The following CAMKMT variants were observed in gnomAD, a reference collection of about 807,000 sequenced individuals.
CAMKMT encodes the protein CaM KMT.
Under a neutral mutation model 48.0 loss-of-function variants are expected in CAMKMT, and 53 were observed. The ratio of observed to expected loss-of-function variants is 1.10; its 90% CI spans 0.89 to 1.39. The LOEUF is 1.39. Ranked by LOEUF, CAMKMT falls within the 40% of genes most tolerant of loss-of-function variation. The probability of loss-of-function intolerance (pLI) is 0.00; values close to 1 mark genes in which losing one functional copy is unlikely to be tolerated. For synonymous variants in CAMKMT, 165 were observed against 152.3 expected (o/e 1.08, Z -0.61); for missense variants, 428 against 402.7 (o/e 1.06, Z -0.54).
chr2:44,427,612 C>G (rs951943922), intron 3 of CAMKMT, among the ~76,000 whole-genome samples: 10 of 152,120 alleles, frequency 6.6e-5, no homozygotes, highest in Admixed American at 3.3e-4. Context: ...AACCTTAGCA[C>G]CATACAATAT....
At chr2:44,741,555 C>T (rs936020689) in intron 7 of CAMKMT, among the ~76,000 whole-genome samples, 4 of 152,172 alleles carry the variant, frequency 2.6e-5, no homozygotes, top group African/African-American at 9.7e-5. Context: ...GGGGAGGAGC[C>T]AAGATTTGAA....
intron 2 of CAMKMT, among the ~76,000 whole-genome samples, chr2:44,377,718 C>G (rs58778062): frequency 5.3e-4 from 81 of 152,262 alleles, no homozygotes; most frequent in African/African-American, 1.8e-3. Context: ...AAGGCTAGAA[C>G]TCTTGACTTT....
At chr2:44,413,872 G>A (rs1429656677) in intron 3 of CAMKMT, among the ~76,000 whole-genome samples, 4 of 152,206 alleles carry the variant, frequency 2.6e-5, no homozygotes, top group African/African-American at 9.6e-5. Context: ...ATCTGGTCAT[G>A]AGTTGCACAA....
At chr2:44,380,232 C>A (rs563159546) in intron 2 of CAMKMT, among the ~76,000 whole-genome samples, 2 of 152,082 alleles carry the variant, frequency 1.3e-5, no homozygotes, top group South Asian at 4.2e-4. Context: ...GCTTTAGGTG[C>A]TTGTGAAAAA....
intron 1 of CAMKMT, among the ~76,000 whole-genome samples, chr2:44,366,990 G>T (rs1422729017): frequency 6.6e-6 from 1 of 152,086 alleles, no homozygotes; most frequent in East Asian, 1.9e-4. Context: ...CTCCCAAAGT[G>T]CTGGGATTAC....
At chr2:44,507,954 C>G (rs1367174915) in intron 3 of CAMKMT, among the ~76,000 whole-genome samples, 1 of 152,232 alleles carries the variant, frequency 6.6e-6, no homozygotes, top group Non-Finnish European at 1.5e-5. Context: ...TTGAGTAGCA[C>G]TGTTCCAGAA....
chr2:44,508,365 A>G (rs572509282), intron 3 of CAMKMT, among the ~76,000 whole-genome samples: 1 of 152,334 alleles, frequency 6.6e-6, no homozygotes, highest in African/African-American at 2.4e-5. Flanking sequence ...TCTGGTTTGC[A>G]TATAGCCAGT....
chr2:44,400,560 T>A (rs1319826251), intron 3 of CAMKMT, among the ~76,000 whole-genome samples: 1 of 152,158 alleles, frequency 6.6e-6, no homozygotes. Flanking sequence ...CCAATTCTCA[T>A]TAGTCATGTT....
Position 44,396,817 on chromosome 2 carries a change from T to TTGGG in CAMKMT, c.376+6513_376+6516dup, listed in dbSNP as rs530870232. ...GGCTCACACCTGTAATCCCAGCACT[T>TTGGG]TGGGAAGCCAAGGTGGGCGGATCAC... is the stretch of plus-strand genomic sequence containing the variant. On this transcript the variant is annotated intron_variant, in intron 3 of 10. Coordinates refer to ENST00000378494, the MANE Select transcript of CAMKMT (RefSeq NM_024766.5). 5.1e-3 allele frequency among the ~76,000 whole-genome samples: 771 copies of TTGGG among 151,460 alleles called. 7 individuals are homozygous for TTGGG. Among genetic ancestry groups the TTGGG allele is most frequent in the African/African-American group, 0.017 (722 of 41,354 alleles).
chr2:44,549,059 C>A (rs920280901), intron 3 of CAMKMT, among the ~76,000 whole-genome samples: 1 of 152,222 alleles, frequency 6.6e-6, no homozygotes, highest in Non-Finnish European at 1.5e-5. Flanking sequence ...GCCTGTTCCA[C>A]ATTTGTTTCC....
At chr2:44,380,155 C>T (rs903673952) in intron 2 of CAMKMT, among the ~76,000 whole-genome samples, 3 of 152,088 alleles carry the variant, frequency 2.0e-5, no homozygotes, top group Non-Finnish European at 4.4e-5. Flanking sequence ...CCCAATGACT[C>T]GTTCCTCAGT....
intron 3 of CAMKMT, among the ~76,000 whole-genome samples, chr2:44,700,234 G>A (rs938817769): frequency 3.9e-5 from 6 of 152,220 alleles, no homozygotes; most frequent in Non-Finnish European, 7.3e-5. Context: ...TTAAGAGAAC[G>A]TTGTGGCTGG....
At position 44,386,148 on chromosome 2, in the gene CAMKMT, C is replaced by T. The variant is rs528308176; in HGVS notation, c.312-4093C>T. 5.3e-5 allele frequency among the ~76,000 whole-genome samples: 8 copies of T among 152,102 alleles called. No homozygotes were observed. In the South Asian group the frequency reaches 8.3e-4, roughly 16 times the overall value. On this transcript the variant is annotated intron_variant, in intron 2 of 10. Transcript: ENST00000378494. ...AATTTTAAAATTACCATTTCAGTCT[C>T]GCTGCTTGTTATTGTTCTGTTCAGG...
intron 3 of CAMKMT, among the ~76,000 whole-genome samples, chr2:44,445,818 T>C (rs1293998721): frequency 6.6e-6 from 1 of 151,916 alleles, no homozygotes; most frequent in Admixed American, 6.6e-5. Context: ...ACCCAGTTTG[T>C]CTCTTCTTAC....
Position 44,768,540 on chromosome 2 carries a change from A to G in CAMKMT, c.894+1979A>G, listed in dbSNP as rs1003006215. Among the ~76,000 whole-genome samples the G allele has an allele frequency of 9.9e-5, 15 of 151,812 alleles. No homozygotes were observed. The East Asian group carries it at 2.7e-3, about 28-fold the overall frequency. The stretch of plus-strand genomic sequence containing the variant: ...GAGAAGGAGCTCGCCCAGAGGCCGG[A>G]GCAGTGAGCCGGGGGCCACGCTGGA... On this transcript the variant is annotated intron_variant, in intron 10 of 10. Transcript: ENST00000378494.
intron 9 of CAMKMT, among the ~76,000 whole-genome samples, chr2:44,756,816 T>G (rs2104393105): frequency 6.6e-6 from 1 of 152,066 alleles, no homozygotes; most frequent in South Asian, 2.1e-4. Flanking sequence ...GATCCTGAGT[T>G]CTTGATGATT....
intron 3 of CAMKMT, among the ~76,000 whole-genome samples, chr2:44,595,635 G>A (rs542435182): frequency 6.6e-6 from 1 of 152,238 alleles, no homozygotes; most frequent in African/African-American, 2.4e-5. Flanking sequence ...CACAGAATTG[G>A]AAAAAGCTAC....
In CAMKMT at chr2:44,770,326, C is replaced by A. The variant is rs574861478; in HGVS notation, c.895-1710C>A. On this transcript the variant is annotated intron_variant, in intron 10 of 10. Coordinates refer to ENST00000378494, the MANE Select transcript of CAMKMT (RefSeq NM_024766.5). ...TTGTGGAAAGGTCTCACAGGCAAGA[C>A]GGGGCTGGCCCCTGGCCCCTTTCAG... Among the ~76,000 whole-genome samples the A allele has an allele frequency of 7.9e-5, 12 of 152,358 alleles. No individual in the cohort carries two copies. The East Asian group carries it at 1.9e-3, about 24-fold the overall frequency.
At chr2:44,542,772 A>G (rs1667201898) in intron 3 of CAMKMT, among the ~76,000 whole-genome samples, 1 of 152,126 alleles carries the variant, frequency 6.6e-6, no homozygotes. Flanking sequence ...GGGTCTCAGG[A>G]TAGCAGTTAT....
Sources: allele counts gnomAD v4.1 joint callset (sites outside exome capture counted in the v4.1 genomes callset), GRCh38; gene constraint gnomAD v4.1.1; transcripts MANE v1.5; gene names NCBI Gene and HGNC (gene_info 2026-07-23, HGNC 2026-07-21).